Variants in SYNE1 observed in about 807,000 individuals in gnomAD.
The protein encoded by SYNE1 is spectrin repeat containing nuclear envelope protein 1.
SYNE1 carries 616 observed loss-of-function variants against 1,111.0 expected under a neutral mutation model. The ratio of observed to expected loss-of-function variants is 0.55; its 90% confidence interval spans 0.52 to 0.59. The LOEUF (loss-of-function observed/expected upper bound fraction) is 0.59. Among genes scored for constraint, SYNE1 ranks in the 20% least tolerant of loss-of-function variants. The pLI is 0.00. For missense variants in SYNE1, 10,006 were observed against 10,417.0 expected, an observed-to-expected ratio of 0.96 and a Z score of 1.72; for synonymous variants, 3,855 against 3,825.8, an observed-to-expected ratio of 1.01 and a Z score of -0.28.
chr6:152,495,187 T>C (rs572729490), intron 11 of SYNE1, among the ~76,000 whole-genome samples: 1 of 152,246 alleles, frequency 6.6e-6, no homozygotes, highest in East Asian at 1.9e-4. Flanking sequence ...CCTCAGGGAG[T>C]TCGCCCCTGC....
intron 75 of SYNE1, among the ~76,000 whole-genome samples, chr6:152,338,030 C>T (rs943181763): frequency 1.3e-5 from 2 of 152,044 alleles, no homozygotes; most frequent in African/African-American, 2.4e-5. Context: ...TGCCTGTAGT[C>T]CCAGCTACTC....
At chr6:152,441,311 C>T in intron 31 of SYNE1, 41 bp from the exon 32 acceptor site, 1 of 1,576,798 alleles carries the variant, frequency 6.3e-7, no homozygotes, top group Non-Finnish European at 8.6e-7. Flanking sequence ...TTACAAATGT[C>T]ACACAATACT....
chr6:152,429,114 T>TAAC (rs1171149574), intron 36 of SYNE1, among the ~76,000 whole-genome samples: 1 of 149,388 alleles, frequency 6.7e-6, no homozygotes, highest in Non-Finnish European at 1.5e-5. Flanking sequence ...ATAATAATAA[T>TAAC]AATAATGACA....
chr6:152,532,121 T>C (rs1248759386), intron 4 of SYNE1, among the ~76,000 whole-genome samples: 3 of 152,234 alleles, frequency 2.0e-5, no homozygotes, highest in Non-Finnish European at 4.4e-5. Flanking sequence ...AATAGAAACC[T>C]ACTTTGAAAC....
intron 62 of SYNE1, chr6:152,366,884 T>C: frequency 2.4e-6 from 1 of 425,420 alleles, no homozygotes; most frequent in Non-Finnish European, 4.5e-6. Context: ...TGGAAAAAGA[T>C]GGAAAATGTT....
At chr6:152,531,542 T>G (rs1247398661) in intron 4 of SYNE1, among the ~76,000 whole-genome samples, 1 of 152,236 alleles carries the variant, frequency 6.6e-6, no homozygotes, top group East Asian at 1.9e-4. Context: ...TTAATCTTCT[T>G]AAGCATACAG....
chr6:152,425,286 A>G, intron 39 of SYNE1, 95 bp downstream of exon 39: 2 of 1,369,382 alleles, frequency 1.5e-6, no homozygotes, highest in Non-Finnish European at 2.0e-6. Flanking sequence ...TAGTTGAGTT[A>G]AATAAAAGTA....
At position 152,584,251 on chromosome 6, in the gene SYNE1, G is replaced by GGA. The variant is rs373173920; in HGVS notation, c.67+44012_67+44013dup. Among the ~76,000 whole-genome samples, 529 of 150,458 alleles carry GGA rather than the reference G, an allele frequency of 3.5e-3. 4 individuals are homozygous for GGA. The highest frequency in any genetic ancestry group is 0.012 in the African/African-American group (474 of 41,064). ...CTGGCCACAAAGTTTCAATAAATAT[G>GGA]GAGAGAGAGAGAGAGAGACAGAGAG... On this transcript the variant is annotated intron_variant, in intron 3 of 145. Transcript: ENST00000367255.
intron 91 of SYNE1, among the ~76,000 whole-genome samples, chr6:152,305,105 G>C (rs2095330354): frequency 6.6e-6 from 1 of 152,164 alleles, no homozygotes; most frequent in Non-Finnish European, 1.5e-5. Flanking sequence ...TTCAGGTAGA[G>C]TGGCCGCTAG....
chr6:152,203,706 GC>G (rs556818746), intron 126 of SYNE1, among the ~76,000 whole-genome samples: 3 of 152,088 alleles, frequency 2.0e-5, no homozygotes, highest in Non-Finnish European at 2.9e-5. Flanking sequence ...TGACTAAAGT[GC>G]CCCCTTACTC....
At chr6:152,150,202 G>C (rs2060168801) in intron 135 of SYNE1, among the ~76,000 whole-genome samples, 1 of 152,142 alleles carries the variant, frequency 6.6e-6, no homozygotes, top group African/African-American at 2.4e-5. Flanking sequence ...GAAAAACAAG[G>C]AATTCCAGGA....
intron 4 of SYNE1, among the ~76,000 whole-genome samples, chr6:152,535,886 T>C (rs2099232966): frequency 6.6e-6 from 1 of 152,168 alleles, no homozygotes; most frequent in Non-Finnish European, 1.5e-5. Context: ...TATTTTTAAC[T>C]GTCAAATTTT....
chr6:152,264,949 C>T (rs966052676), intron 100 of SYNE1, among the ~76,000 whole-genome samples: 1 of 152,066 alleles, frequency 6.6e-6, no homozygotes, highest in Non-Finnish European at 1.5e-5. Flanking sequence ...GTGGCTCACA[C>T]CTGTAAACAC....
intron 100 of SYNE1, among the ~76,000 whole-genome samples, chr6:152,264,624 C>CT (rs1237042695): frequency 6.6e-6 from 1 of 151,748 alleles, no homozygotes; most frequent in Non-Finnish European, 1.5e-5. Context: ...TAGCCAGACC[C>CT]TGTCTCTACA....
At chr6:152,222,078 T>C (rs967752727) in intron 117 of SYNE1, among the ~76,000 whole-genome samples, 5 of 152,182 alleles carry the variant, frequency 3.3e-5, no homozygotes, top group Admixed American at 6.5e-5. Context: ...TTTACCCTAA[T>C]TGGAAAAGTT....
chr6:152,144,911 C>G (rs1428642346), intron 137 of SYNE1: 2 of 164,764 alleles, frequency 1.2e-5, no homozygotes, highest in Non-Finnish European at 2.7e-5. Flanking sequence ...ATCTATGGCT[C>G]AGCATACCGT....
At chr6:152,582,559 T>C (rs2099523895) in intron 3 of SYNE1, among the ~76,000 whole-genome samples, 1 of 151,532 alleles carries the variant, frequency 6.6e-6, no homozygotes, top group South Asian at 2.1e-4. Flanking sequence ...CAAAACTTTT[T>C]ACATATATAT....
At position 152,231,496 on chromosome 6, in the gene SYNE1, G is replaced by A. The variant is rs1562357161; in HGVS notation, c.20934C>T (p.Ser6978=). The A allele has an allele frequency of 6.2e-7, 1 of 1,614,058 alleles. No individual in the cohort carries two copies. Among genetic ancestry groups the A allele is most frequent in the East Asian group, 2.2e-5 (1 of 44,886 alleles). The change falls in exon 114 of 146, where the codon AGC becomes AGT. Residue 6978 remains serine, a synonymous_variant. Transcript: ENST00000367255. Reference sequence around the variant, plus strand: ...TACGCTTACTTTCCACATCCTGACTGCTGATTTGTAGCACGGACTGGTTCA... The same window carrying A: ...TACGCTTACTTTCCACATCCTGACTACTGATTTGTAGCACGGACTGGTTCA... The part of the protein sequence containing the change: ...DFVNQSVLQI[S]SQDVESKRSD...
At chr6:152,131,841 C>G (rs377512122) in intron 144 of SYNE1, among the ~76,000 whole-genome samples, 12 of 152,286 alleles carry the variant, frequency 7.9e-5, no homozygotes, top group East Asian at 1.9e-4. Flanking sequence ...CAAATGGGCA[C>G]CATTCTGGAA....
Sources: gnomAD v4.1 joint callset for allele counts (sites outside exome capture counted in the v4.1 genomes callset) on GRCh38, gnomAD v4.1.1 for gene constraint, MANE v1.5 for transcripts, NCBI Gene and HGNC (gene_info 2026-07-23, HGNC 2026-07-21) for gene names.